MIPOL1: variants seen among roughly 807,000 people sequenced by gnomAD.
MIPOL1 encodes mirror-image polydactyly 1.
MIPOL1 carries 57 observed loss-of-function variants against 60.9 expected under a neutral mutation model. The observed-to-expected ratio is 0.94, with a 90% confidence interval of 0.76 to 1.17. MIPOL1 has a LOEUF of 1.17. MIPOL1 is among the 50% of genes most tolerant of loss of function. MIPOL1 has a pLI of 0.00. For synonymous variants in MIPOL1, 179 were observed against 168.8 expected (o/e 1.06, Z -0.47); for missense variants, 551 against 511.6 (o/e 1.08, Z -0.74).
chr14:37,348,701 C>A (rs2091120440), intron 9 of MIPOL1, among the ~76,000 whole-genome samples: 1 of 151,982 alleles, frequency 6.6e-6, no homozygotes, highest in South Asian at 2.1e-4. Context: ...ATTACCTCCA[C>A]TTCTACCATC....
chr14:37,357,396 T>G (rs1252871629), intron 9 of MIPOL1, among the ~76,000 whole-genome samples: 5 of 152,104 alleles, frequency 3.3e-5, no homozygotes, highest in Non-Finnish European at 7.3e-5. Flanking sequence ...TCACCCTTTT[T>G]CCACATGCTC....
intron 6 of MIPOL1, among the ~76,000 whole-genome samples, chr14:37,271,386 T>C (rs1480130814): frequency 6.6e-6 from 1 of 152,068 alleles, no homozygotes; most frequent in Non-Finnish European, 1.5e-5. Context: ...GAGGTCATAA[T>C]CATGCTTTAC....
intron 5 of MIPOL1, among the ~76,000 whole-genome samples, chr14:37,269,953 G>C (rs917619135): frequency 6.6e-6 from 1 of 152,014 alleles, no homozygotes; most frequent in Non-Finnish European, 1.5e-5. Flanking sequence ...TCAGCCTCTC[G>C]AGTAGCTGGG....
chr14:37,387,687 C>T (rs938141968), intron 10 of MIPOL1, among the ~76,000 whole-genome samples: 3 of 151,882 alleles, frequency 2.0e-5, no homozygotes, highest in African/African-American at 4.8e-5. Context: ...ATGTGATACA[C>T]GTATCTGTCT....
chr14:37,263,035 T>G (rs999346210), intron 3 of MIPOL1, among the ~76,000 whole-genome samples: 2 of 152,208 alleles, frequency 1.3e-5, no homozygotes, highest in Non-Finnish European at 2.9e-5. Context: ...AGTCATGATT[T>G]ATTGGGTAGC....
At chr14:37,207,325 C>G (rs1481633419) in intron 1 of MIPOL1, among the ~76,000 whole-genome samples, 1 of 152,058 alleles carries the variant, frequency 6.6e-6, no homozygotes, top group Non-Finnish European at 1.5e-5. Flanking sequence ...GTGCCTTTTA[C>G]CTTCCATGAT....
intron 1 of MIPOL1, among the ~76,000 whole-genome samples, chr14:37,200,322 C>A (rs1464485827): frequency 6.6e-6 from 1 of 152,120 alleles, no homozygotes; most frequent in East Asian, 1.9e-4. Flanking sequence ...ATTCTTAGCT[C>A]ATGGGTTATA....
chr14:37,383,200 C>A (rs1411893261), intron 10 of MIPOL1, among the ~76,000 whole-genome samples: 1 of 151,744 alleles, frequency 6.6e-6, no homozygotes, highest in East Asian at 1.9e-4. Flanking sequence ...ATATTCCATG[C>A]AAGTGTTTTC....
downstream of MIPOL1, chr14:37,551,939 A>G (rs1254189625): frequency 6.6e-6 from 1 of 151,272 alleles, no homozygotes; most frequent in African/African-American, 2.4e-5. Context: ...CAAATCTACC[A>G]TAAAGCACCT....
At chr14:37,361,617 T>C (rs1338646505) in intron 9 of MIPOL1, among the ~76,000 whole-genome samples, 29 of 108,708 alleles carry the variant, frequency 2.7e-4, no homozygotes, top group South Asian at 7.6e-4. Flanking sequence ...TCTCTTTTTT[T>C]TTTTTTTTTT....
intron 11 of MIPOL1, among the ~76,000 whole-genome samples, chr14:37,465,571 C>G (rs2094588093): frequency 6.6e-6 from 1 of 151,986 alleles, no homozygotes; most frequent in Admixed American, 6.6e-5. Context: ...ATAATTTTTT[C>G]TTTATTTTTT....
chr14:37,223,747 C>T (rs1241004763), intron 1 of MIPOL1, among the ~76,000 whole-genome samples: 1 of 152,164 alleles, frequency 6.6e-6, no homozygotes, highest in African/African-American at 2.4e-5. Flanking sequence ...GAGATCTGCC[C>T]ACCTCGGTCC....
chr14:37,302,262 G>GTTTTTTTTTTTTTTTTTTTTTTTTTTT (rs57468146), intron 7 of MIPOL1, among the ~76,000 whole-genome samples: 1 of 95,032 alleles, frequency 1.1e-5, no homozygotes, highest in Non-Finnish European at 2.1e-5. Context: ...TGGAACTGTT[G>GTTTTTTTTTTTTTTTTTTTTTTTTTTT]TTTTTTTTTT....
chr14:37,403,432 C>CTTTTTTTTT (rs11415779), intron 10 of MIPOL1, among the ~76,000 whole-genome samples: 2 of 94,116 alleles, frequency 2.1e-5, no homozygotes, highest in East Asian at 4.0e-4. Flanking sequence ...AGGTTTCTAG[C>CTTTTTTTTT]TTTTTTTTTT....
At chr14:37,224,266 A>G (rs1259216875) in intron 1 of MIPOL1, among the ~76,000 whole-genome samples, 1 of 152,008 alleles carries the variant, frequency 6.6e-6, no homozygotes, top group South Asian at 2.1e-4. Context: ...GATTGCTTGA[A>G]CCCAGCAGTT....
intron 12 of MIPOL1, among the ~76,000 whole-genome samples, chr14:37,524,181 A>G (rs918363967): frequency 6.6e-6 from 1 of 152,186 alleles, no homozygotes; most frequent in African/African-American, 2.4e-5. Flanking sequence ...TTGCATTTTT[A>G]AAAGACTAAC....
chr14:37,349,268 G>A (rs1041143755), intron 9 of MIPOL1, among the ~76,000 whole-genome samples: 3 of 152,082 alleles, frequency 2.0e-5, no homozygotes, highest in African/African-American at 7.2e-5. Context: ...GATAACGGGC[G>A]TGAGCCACTG....
intron 12 of MIPOL1, among the ~76,000 whole-genome samples, chr14:37,524,077 C>A (rs1198850712): frequency 6.6e-6 from 1 of 152,108 alleles, no homozygotes; most frequent in East Asian, 1.9e-4. Context: ...ATTTAACTTT[C>A]GTTGTGGTTT....
chr14:37,494,824 T>C (rs1211317967), intron 11 of MIPOL1, among the ~76,000 whole-genome samples: 1 of 152,206 alleles, frequency 6.6e-6, no homozygotes, highest in Non-Finnish European at 1.5e-5. Flanking sequence ...CATTGTCTAC[T>C]TCCATCTTTT....
Sources: allele counts gnomAD v4.1 joint callset (sites outside exome capture counted in the v4.1 genomes callset), GRCh38; gene constraint gnomAD v4.1.1; transcripts MANE v1.5; gene names NCBI Gene and HGNC (gene_info 2026-07-23, HGNC 2026-07-21).